Variants in CIMAP3 observed in about 807,000 individuals in gnomAD.
The protein encoded by CIMAP3 is ciliary microtubule associated protein 3.
At chr1:111,342,635 C>A in the CIMAP3 span, among the ~76,000 whole-genome samples, 1 of 152,212 alleles carries the variant, frequency 6.6e-6, no homozygotes, top group Non-Finnish European at 1.5e-5. Flanking sequence ...TGCCTCCTCC[C>A]TTTGCCTCTG....
At chr1:111,328,796 T>A in the CIMAP3 span, among the ~76,000 whole-genome samples, 1 of 152,220 alleles carries the variant, frequency 6.6e-6, no homozygotes, top group Non-Finnish European at 1.5e-5. Flanking sequence ...CTTGCTTTTT[T>A]ATCCAGCTTG....
chr1:111,334,935 C>T, the CIMAP3 span, among the ~76,000 whole-genome samples: 2 of 151,850 alleles, frequency 1.3e-5, no homozygotes, highest in African/African-American at 4.8e-5. Flanking sequence ...TGAGACCAGC[C>T]TGGCCAACAT....
chr1:111,347,641 G>C, the CIMAP3 span: 1 of 1,071,200 alleles, frequency 9.3e-7, no homozygotes, highest in Non-Finnish European at 1.3e-6. Context: ...TTTTTTTGGT[G>C]TTTTTGTTTG....
the CIMAP3 span, chr1:111,347,625 T>C: frequency 1.9e-3 from 2,051 of 1,072,948 alleles, 3 homozygotes; most frequent in African/African-American, 5.5e-3. Context: ...TTTCTTTCTT[T>C]TTTTTTTTTT....
chr1:111,328,861 T>G, the CIMAP3 span, among the ~76,000 whole-genome samples: 213 of 152,350 alleles, frequency 1.4e-3, 1 homozygote, highest in African/African-American at 4.1e-3. Flanking sequence ...AAGGTTCATA[T>G]TAATATGTGT....
chr1:111,346,770 C>G, the CIMAP3 span: 1 of 1,558,780 alleles, frequency 6.4e-7, no homozygotes, highest in Non-Finnish European at 8.8e-7. Flanking sequence ...GTTCGCCCCC[C>G]TCCAGGAGTT....
At chr1:111,348,092 A>C in the CIMAP3 span, among the ~76,000 whole-genome samples, 2 of 152,192 alleles carry the variant, frequency 1.3e-5, no homozygotes, top group African/African-American at 2.4e-5. Context: ...TTGTCAGTTA[A>C]ATAACAAATT....
the CIMAP3 span, among the ~76,000 whole-genome samples, chr1:111,345,986 G>A: frequency 6.6e-6 from 1 of 151,974 alleles, no homozygotes; most frequent in Non-Finnish European, 1.5e-5. Flanking sequence ...GAGAAAACTG[G>A]GGCTTAGAAA....
chr1:111,339,431 G>A, the CIMAP3 span, among the ~76,000 whole-genome samples: 4 of 150,170 alleles, frequency 2.7e-5, no homozygotes, highest in Admixed American at 6.6e-5. Context: ...GTTTGCAGAC[G>A]ACATGATTGT....
At chr1:111,331,099 G>T in the CIMAP3 span, among the ~76,000 whole-genome samples, 1 of 152,148 alleles carries the variant, frequency 6.6e-6, no homozygotes, top group Non-Finnish European at 1.5e-5. Flanking sequence ...ACATTCCTTT[G>T]TGTGTGACTT....
chr1:111,330,166 T>A, the CIMAP3 span, among the ~76,000 whole-genome samples: 1 of 152,344 alleles, frequency 6.6e-6, no homozygotes, highest in African/African-American at 2.4e-5. Context: ...CTATCCATAT[T>A]CTGAATTCTA....
At chr1:111,348,834 C>T in the CIMAP3 span, 4 of 570,502 alleles carry the variant, frequency 7.0e-6, no homozygotes, top group East Asian at 7.1e-5. Flanking sequence ...CATAGTTACT[C>T]ATTCAATGAA....
chr1:111,352,813 G>C, the CIMAP3 span: 1 of 152,070 alleles, frequency 6.6e-6, no homozygotes, highest in South Asian at 2.1e-4. Context: ...GGAGGATATT[G>C]ATGGGGGTGG....
the CIMAP3 span, chr1:111,324,669 A>C: frequency 5.4e-5 from 52 of 964,690 alleles, no homozygotes; most frequent in Non-Finnish European, 6.4e-5. Flanking sequence ...TCTTAGTTAC[A>C]CCCTTCATTT....
At chr1:111,342,151 C>T in the CIMAP3 span, among the ~76,000 whole-genome samples, 12 of 152,132 alleles carry the variant, frequency 7.9e-5, no homozygotes, top group African/African-American at 2.7e-4. Flanking sequence ...GAGAAAGAGA[C>T]GATCCTAAAA....
chr1:111,335,646 G>C, the CIMAP3 span, among the ~76,000 whole-genome samples: 83 of 152,390 alleles, frequency 5.4e-4, no homozygotes, highest in African/African-American at 1.9e-3. Context: ...GAGGCTGGGG[G>C]AGGGGCACCC....
chr1:111,342,281 G>C, the CIMAP3 span, among the ~76,000 whole-genome samples: 5 of 152,266 alleles, frequency 3.3e-5, no homozygotes, highest in East Asian at 9.6e-4. Flanking sequence ...AGTGCTGAAA[G>C]AAAAAAACTG....
chr1:111,331,002 CAA>C, the CIMAP3 span, among the ~76,000 whole-genome samples: 1 of 152,200 alleles, frequency 6.6e-6, no homozygotes, highest in Non-Finnish European at 1.5e-5. Context: ...TTTGAAAACT[CAA>C]AGCACTTTGA....
Sources: gnomAD v4.1 joint callset for allele counts (sites outside exome capture counted in the v4.1 genomes callset) on GRCh38, gnomAD v4.1.1 for gene constraint, MANE v1.5 for transcripts, NCBI Gene and HGNC (gene_info 2026-07-23, HGNC 2026-07-21) for gene names.